CABIN1: variants seen among roughly 807,000 people sequenced by gnomAD.
The protein encoded by CABIN1 is calcineurin binding protein 1.
Under a neutral mutation model 227.7 loss-of-function variants are expected in CABIN1, and 133 were observed. That is an observed-to-expected ratio of 0.58 (90% CI 0.51 to 0.67). The LOEUF (loss-of-function observed/expected upper bound fraction) is 0.67. CABIN1 is among the 30% of genes least tolerant of loss of function. CABIN1 has a pLI of 0.00. For synonymous variants in CABIN1, 1,086 were observed against 1,155.1 expected (o/e 0.94, Z 1.21); for missense variants, 2,408 against 2,852.5 (o/e 0.84, Z 3.55).
chr22:24,038,977 C>G (rs537655285), intron 4 of CABIN1, among the ~76,000 whole-genome samples: 11 of 152,314 alleles, frequency 7.2e-5, no homozygotes, highest in Admixed American at 3.9e-4. Flanking sequence ...ACTGGGGACA[C>G]TGGTTACAGT....
At position 24,156,767 on chromosome 22, in the gene CABIN1, G is replaced by A. The variant is rs2045851686; in HGVS notation, c.4747-7633G>A. On this transcript the variant is annotated intron_variant, in intron 29 of 36. Transcript: ENST00000263119. ...GAGGTTAGGGGTAACGGTTGCATGG[G>A]ATGGGGGGTGGGCACATAGAGCCTA... Among the ~76,000 whole-genome samples the A allele has an allele frequency of 3.3e-5, 5 of 152,308 alleles. No individual in the cohort carries two copies. In the South Asian group the frequency reaches 1.0e-3, roughly 32 times the overall value.
rs753038615 is a variant in CABIN1, at chr22:24,091,783, C to T, written c.3726C>T (p.Ala1242=). 13 of 1,613,796 alleles carry T rather than the reference C, an allele frequency of 8.1e-6. No individual in the cohort carries two copies. The highest frequency in any genetic ancestry group is 1.1e-5 in the Non-Finnish European group (13 of 1,179,968). Reference sequence around the variant, plus strand: ...GCCACTACCTGCACGAGGAGGCTGCCCGCTACCCCAAGAAGATCCACTACC... The same window carrying T: ...GCCACTACCTGCACGAGGAGGCTGCTCGCTACCCCAAGAAGATCCACTACC... ...QAGHYLHEEA[A]RYPKKIHYHN... Residue 1242 remains alanine (A), a synonymous_variant, in exon 24 of 37, where the codon GCC becomes GCT. Transcript: ENST00000263119.
chr22:24,170,592 G>A (rs1031031165), intron 33 of CABIN1, among the ~76,000 whole-genome samples: 53 of 152,300 alleles, frequency 3.5e-4, no homozygotes, highest in East Asian at 9.6e-4. Flanking sequence ...CTGCCCACAG[G>A]ACAAGGCTAG....
chr22:24,121,108 G>A (rs1304134660), intron 28 of CABIN1, among the ~76,000 whole-genome samples: 2 of 152,236 alleles, frequency 1.3e-5, no homozygotes, highest in African/African-American at 4.8e-5. Flanking sequence ...GTGACCTTTA[G>A]GGCCTAGCTG....
intron 5 of CABIN1, 60 bp from the exon 6 acceptor site, chr22:24,042,818 CTGTGTGTGTGTGTGTGTGTGTGTGTG>C (rs56070926): frequency 1.6e-4 from 107 of 687,208 alleles, no homozygotes; most frequent in South Asian, 3.7e-4. Flanking sequence ...AGAGATCTGA[CTGTGTGTGTGTGTGTGTGTGTGTGTG>C]TGTGTGTGTG....
At chr22:24,062,346 A>ATTTT (rs35757164) in intron 13 of CABIN1, among the ~76,000 whole-genome samples, 6 of 96,540 alleles carry the variant, frequency 6.2e-5, no homozygotes, top group African/African-American at 9.3e-5. Context: ...GGTGATACGG[A>ATTTT]TTTTTTTTTT....
At chr22:24,120,977 A>G (rs780182168) in intron 28 of CABIN1, among the ~76,000 whole-genome samples, 17 of 152,330 alleles carry the variant, frequency 1.1e-4, no homozygotes, top group Non-Finnish European at 1.6e-4. Flanking sequence ...AGGGGACAGC[A>G]TTGGTCTGGA....
intron 28 of CABIN1, among the ~76,000 whole-genome samples, chr22:24,126,848 A>G (rs2043756776): frequency 6.6e-6 from 1 of 152,046 alleles, no homozygotes; most frequent in East Asian, 1.9e-4. Flanking sequence ...AAAGTACAAA[A>G]CTTAGCCTGG....
intron 34 of CABIN1, chr22:24,173,434 C>CT (rs1378096465): frequency 6.6e-6 from 1 of 152,220 alleles, no homozygotes; most frequent in African/African-American, 2.4e-5. Flanking sequence ...CTCGGTTGCA[C>CT]TGGTCGTGGC....
chr22:24,064,512 G>GTTTTTTTTTTTTTTTTTTTTTTT (rs782268156), intron 15 of CABIN1, among the ~76,000 whole-genome samples: 3 of 106,900 alleles, frequency 2.8e-5, no homozygotes, highest in Non-Finnish European at 3.6e-5. Context: ...CAGCTGAAAG[G>GTTTTTTTTTTTTTTTTTTTTTTT]TTTTTTTTTT....
intron 1 of CABIN1, among the ~76,000 whole-genome samples, chr22:24,014,235 A>G (rs953688445): frequency 1.3e-5 from 2 of 152,196 alleles, no homozygotes; most frequent in African/African-American, 2.4e-5. Context: ...TGAAAGGAGA[A>G]CTACCCTCTC....
chr22:24,023,511 G>A (rs2035868866), intron 1 of CABIN1, among the ~76,000 whole-genome samples: 1 of 152,146 alleles, frequency 6.6e-6, no homozygotes, highest in Non-Finnish European at 1.5e-5. Flanking sequence ...CAGTACATGA[G>A]TGTTTGAGTT....
At chr22:24,061,804 T>C (rs1160182883) in intron 12 of CABIN1, 143 bp from the exon 13 acceptor site, 1 of 703,536 alleles carries the variant, frequency 1.4e-6, no homozygotes, top group Admixed American at 2.0e-5. Context: ...CCACTGATTA[T>C]CACTTATGAA....
rs77494035 is a variant in CABIN1, at chr22:24,160,027, AG to A, written c.4747-4369del. Among the ~76,000 whole-genome samples the A allele has an allele frequency of 3.3e-5, 5 of 152,268 alleles. No individual in the cohort carries two copies. In the East Asian group the frequency reaches 9.7e-4, roughly 29 times the overall value. On this transcript the variant is annotated intron_variant, in intron 29 of 36. Coordinates refer to ENST00000263119, the MANE Select transcript of CABIN1 (RefSeq NM_012295.4). ...TTTCTTGTTCCTCTGAGTGTTAAGC[AG>A]GGGTGTAGGAAGAGACTTGAGGTGG... is the stretch of plus-strand genomic sequence containing the variant.
chr22:24,080,519 C>T lies in CABIN1; in HGVS notation c.2749-2709C>T, dbSNP rs145555868. 4.7e-4 allele frequency among the ~76,000 whole-genome samples: 71 copies of T among 152,280 alleles called. No homozygotes were observed. In the East Asian group the frequency reaches 0.012, roughly 26 times the overall value. The stretch of plus-strand genomic sequence containing the variant: ...TTTTGTATGATTGAGTCTTTCTAGT[C>T]GTAAATGTGGTATATCTCTCTGTTT... On this transcript the variant is annotated intron_variant, in intron 19 of 36. Transcript: ENST00000263119.
intron 3 of CABIN1, among the ~76,000 whole-genome samples, chr22:24,037,491 A>G (rs2037007250): frequency 6.6e-6 from 1 of 151,866 alleles, no homozygotes; most frequent in Admixed American, 6.6e-5. Context: ...TTTTTTGTAG[A>G]GACAGGGGTC....
In CABIN1 at chr22:24,091,743, A is replaced by G. The variant is rs771443789; in HGVS notation, c.3686A>G (p.His1229Arg). ...QQQPPTVYLLHYRQAGHYLHE... is the reference protein window; with the variant it reads ...QQQPPTVYLLRYRQAGHYLHE... ...CAGCCACCCACCGTTTACTTGCTGC[A>G]CTACAGGCAGGCTGGCCACTACCTG... The change falls in exon 24 of 37, where the codon CAC becomes CGC. Residue 1229 changes from histidine (H) to arginine (R), a missense_variant. This residue lies in a region of CABIN1 where 649 missense variants were observed against 910.3 expected (regional missense o/e 0.71). Coordinates refer to ENST00000263119, the MANE Select transcript of CABIN1 (RefSeq NM_012295.4). 5.6e-6 allele frequency: 9 copies of G among 1,614,132 alleles called. No individual in the cohort carries two copies. In the Admixed American group the frequency reaches 8.3e-5, roughly 15 times the overall value.
Position 24,177,822 on chromosome 22 carries a change from C to T in CABIN1, c.6519+5C>T, listed in dbSNP as rs1601326634. 1 of 1,605,924 alleles carries T rather than the reference C, an allele frequency of 6.2e-7. No homozygotes were observed. The highest frequency in any genetic ancestry group is 2.2e-5 in the East Asian group (1 of 44,734). On this transcript the variant is annotated splice_donor_5th_base_variant and intron_variant, in intron 36 of 36. Transcript: ENST00000263119. This position sits in a 1 kb window ranked among gnomAD's most constrained non-coding sequence, Gnocchi z 4.4. ...GAGACCAAGCAGAAGCTGAAGGTGA[C>T]CTCAGGGGCTGGGCTGGAGCCATGT... is the stretch of plus-strand genomic sequence containing the variant.
At chr22:24,084,893 G>A in intron 21 of CABIN1, 108 bp downstream of exon 21, 2 of 1,562,168 alleles carry the variant, frequency 1.3e-6, no homozygotes, top group South Asian at 1.1e-5. Context: ...GTACCAGACT[G>A]AGGGGCAGGA....
Sources: gnomAD v4.1 joint callset for allele counts (sites outside exome capture counted in the v4.1 genomes callset) on GRCh38, gnomAD v4.1.1 for gene constraint, gnomAD v4.1.1 regional missense constraint, Gnocchi (gnomAD v3.1) non-coding constraint, MANE v1.5 for transcripts, NCBI Gene and HGNC (gene_info 2026-07-23, HGNC 2026-07-21) for gene names.